The following HPCAL1 variants were observed in gnomAD, a reference collection of about 807,000 sequenced individuals.
HPCAL1 encodes the protein hippocalcin-like protein 1.
Under a neutral mutation model 17.1 loss-of-function variants are expected in HPCAL1, and 8 were observed. The ratio of observed to expected loss-of-function variants is 0.47; its 90% CI spans 0.27 to 0.84. The LOEUF (loss-of-function observed/expected upper bound fraction) is 0.84, where lower values mean the gene tolerates loss of function less well. Among genes scored for constraint, HPCAL1 ranks in the 40% least tolerant of loss-of-function variants. HPCAL1 has a pLI of 0.13. For synonymous variants in HPCAL1, 112 were observed against 111.4 expected (o/e 1.01, Z -0.03); for missense variants, 165 against 271.1 (o/e 0.61, Z 2.75).
At chr2:10,329,665 A>T (rs1664233034) in intron 1 of HPCAL1, among the ~76,000 whole-genome samples, 1 of 152,232 alleles carries the variant, frequency 6.6e-6, no homozygotes, top group Admixed American at 6.5e-5. Flanking sequence ...CAGCAGTGAC[A>T]CCGGGCTTTG....
chr2:10,419,683 C>G lies in HPCAL1; in HGVS notation c.-24-51C>G. ...TTGGTCTCTCCGGCACATGGCTCAG[C>G]CCTGCTCCGTGGCCGTGGGTGGCGT... is the stretch of plus-strand genomic sequence containing the variant. On this transcript the variant is annotated intron_variant, in intron 2 of 4. Transcript: ENST00000307845. The surrounding 1 kb of genome is among the most constrained non-coding windows in gnomAD (Gnocchi z 5.0). The G allele has an allele frequency of 6.5e-7, 1 of 1,541,470 alleles. No individual in the cohort carries two copies. Among genetic ancestry groups the G allele is most frequent in the East Asian group, 2.3e-5 (1 of 44,340 alleles).
intron 3 of HPCAL1, among the ~76,000 whole-genome samples, chr2:10,422,606 C>A (rs1309172919): frequency 2.0e-5 from 3 of 152,306 alleles, no homozygotes; most frequent in Non-Finnish European, 4.4e-5. Context: ...GGGTAACAGC[C>A]ATGGAGTAAA....
At chr2:10,317,974 C>G (rs945696755) in intron 1 of HPCAL1, among the ~76,000 whole-genome samples, 1 of 152,194 alleles carries the variant, frequency 6.6e-6, no homozygotes, top group African/African-American at 2.4e-5. Context: ...GTTGGATGGA[C>G]AATAACATCA....
chr2:10,426,921 G>T lies in HPCAL1; in HGVS notation c.*100G>T. The T allele has an allele frequency of 8.8e-7, 1 of 1,140,506 alleles. No homozygotes were observed. Among genetic ancestry groups the T allele is most frequent in the East Asian group, 2.4e-5 (1 of 40,892 alleles). 70.6% of individuals were successfully genotyped at this position (1,140,506 alleles called of 1,614,324 possible). A position where few individuals can be genotyped will look rare whatever the true frequency, so the allele number is the denominator to read the frequency against. ...GCCCCGCAATCGTTCCTGCTCTCCC[G>T]GGCCCCGGGCCTGGGGCATGCGTTG... On this transcript the variant is annotated 3_prime_UTR_variant, in exon 5 of 5. Transcript: ENST00000307845.
chr2:10,391,233 G>T (rs965605836), intron 1 of HPCAL1, among the ~76,000 whole-genome samples: 5 of 152,094 alleles, frequency 3.3e-5, no homozygotes, highest in African/African-American at 4.8e-5. Flanking sequence ...CTGCCAGGGG[G>T]GTTTGCAGTC....
chr2:10,335,772 C>T (rs149602181), intron 1 of HPCAL1, among the ~76,000 whole-genome samples: 1 of 152,208 alleles, frequency 6.6e-6, no homozygotes, highest in Admixed American at 6.5e-5. Context: ...CCTCATACCT[C>T]TCCGGCACTT....
intron 1 of HPCAL1, among the ~76,000 whole-genome samples, chr2:10,376,901 G>C (rs11490584): frequency 0.22 from 16,557 of 76,208 alleles, 5,043 homozygotes; most frequent in African/African-American, 0.55. Context: ...ACAATACATA[G>C]CGTATTGTAT....
intron 3 of HPCAL1, 74 bp downstream of exon 3, chr2:10,420,209 C>A: frequency 7.0e-6 from 4 of 571,276 alleles, no homozygotes; most frequent in Non-Finnish European, 1.0e-5. Context: ...CAGCCCAGGG[C>A]TTTTTTTTTT....
At chr2:10,404,988 T>C (rs955821778) in intron 2 of HPCAL1, among the ~76,000 whole-genome samples, 3 of 152,228 alleles carry the variant, frequency 2.0e-5, no homozygotes, top group African/African-American at 7.2e-5. Flanking sequence ...CCGCCTTTCT[T>C]GTAAAGCTGT....
intron 1 of HPCAL1, among the ~76,000 whole-genome samples, chr2:10,346,458 C>T (rs1024371860): frequency 6.6e-6 from 1 of 152,184 alleles, no homozygotes; most frequent in African/African-American, 2.4e-5. Context: ...GCCCCAGTCC[C>T]CTCTGTGGCT....
intron 1 of HPCAL1, among the ~76,000 whole-genome samples, chr2:10,352,369 T>C (rs1329929652): frequency 6.6e-6 from 1 of 152,152 alleles, no homozygotes. Context: ...TGTAGCCCCT[T>C]CTCAAGAGAG....
In HPCAL1 at chr2:10,384,029, C is replaced by CCCACA. The variant is rs33913609; in HGVS notation, c.-110-12805_-110-12804insCACAC. On this transcript the variant is annotated intron_variant, in intron 1 of 4. Transcript: ENST00000307845. This position sits in a 1 kb window ranked among gnomAD's most constrained non-coding sequence, Gnocchi z 4.4. ...ATATACATCGCGTACACACACACAC[C>CCCACA]CACACACACACACACCTTTTGCTGG... is the stretch of plus-strand genomic sequence containing the variant. Among the ~76,000 whole-genome samples the CCCACA allele has an allele frequency of 0.017, 2,503 of 149,950 alleles. 75 individuals are homozygous for CCCACA. Among genetic ancestry groups the CCCACA allele is most frequent in the African/African-American group, 0.057 (2,336 of 40,754 alleles).
chr2:10,399,217 C>CCAT lies in HPCAL1; in HGVS notation c.-25+2299_-25+2300insTCA, dbSNP rs1669270788. 1.0e-4 allele frequency among the ~76,000 whole-genome samples: 6 copies of CCAT among 58,718 alleles called. No individual in the cohort carries two copies. The East Asian group carries it at 1.5e-3, about 14-fold the overall frequency. 38.5% of individuals were successfully genotyped at this position (58,718 alleles called of 152,430 possible). The stretch of plus-strand genomic sequence containing the variant: ...AGCAAATAATATCACTGCACCACCA[C>CCAT]CACCACCACCACCACCACCACCATC... On this transcript the variant is annotated intron_variant, in intron 2 of 4. Transcript: ENST00000307845.
chr2:10,309,634 A>G (rs964282253), intron 1 of HPCAL1, among the ~76,000 whole-genome samples: 5 of 152,124 alleles, frequency 3.3e-5, no homozygotes, highest in Admixed American at 1.3e-4. Context: ...GAACAGGTAG[A>G]GATGGTTCAA....
chr2:10,375,712 C>A (rs565151080), intron 1 of HPCAL1, among the ~76,000 whole-genome samples: 1 of 152,290 alleles, frequency 6.6e-6, no homozygotes, highest in East Asian at 1.9e-4. Flanking sequence ...GGGATCATAC[C>A]TTTCTCTGAG....
rs887637334 is a variant in HPCAL1, at chr2:10,330,139, T to C, written c.-111+26962T>C. On this transcript the variant is annotated intron_variant, in intron 1 of 4. Transcript: ENST00000307845. The surrounding 1 kb of genome is among the most constrained non-coding windows in gnomAD (Gnocchi z 4.2). ...CACAATTTATGTGGCAAGCTAGAGA[T>C]GCTTTCTTTTTCAGAGCGGCCTTTA... The C allele has an allele frequency of 6.6e-6, 1 of 151,958 alleles. No homozygotes were observed. Among genetic ancestry groups the C allele is most frequent in the Non-Finnish European group, 1.5e-5 (1 of 68,012 alleles). 9.4% of individuals were successfully genotyped at this position (151,958 alleles called of 1,614,324 possible).
At position 10,347,200 on chromosome 2, in the gene HPCAL1, G is replaced by A. The variant is rs550355343; in HGVS notation, c.-111+44023G>A. 3.9e-5 allele frequency among the ~76,000 whole-genome samples: 6 copies of A among 152,110 alleles called. No homozygotes were observed. In the South Asian group the frequency reaches 6.2e-4, roughly 16 times the overall value. On this transcript the variant is annotated intron_variant, in intron 1 of 4. Transcript: ENST00000307845. ...CCTCCCTGGCATCCGTGACCCATAC[G>A]GTGGGCGCCTGTTCTTTAGAACAAC...
rs908487741 is a variant in HPCAL1, at chr2:10,342,514, T to C, written c.-111+39337T>C. ...CTGATCAGCCCAGCCTGGGGGAGGGTGGGAGGGGACTCCCAGGGAGCGGGG... is the reference window on the plus strand; with the variant it reads ...CTGATCAGCCCAGCCTGGGGGAGGGCGGGAGGGGACTCCCAGGGAGCGGGG... On this transcript the variant is annotated intron_variant, in intron 1 of 4. Transcript: ENST00000307845. The surrounding 1 kb of genome is among the most constrained non-coding windows in gnomAD (Gnocchi z 4.1). Among the ~76,000 whole-genome samples, 4 of 101,134 alleles carry C rather than the reference T, an allele frequency of 4.0e-5. No homozygotes were observed. The highest frequency in any genetic ancestry group is 1.5e-4 in the African/African-American group (4 of 27,068). 66.3% of individuals were successfully genotyped at this position (101,134 alleles called of 152,430 possible). A position where few individuals can be genotyped will look rare whatever the true frequency, so the allele number is the denominator to read the frequency against.
chr2:10,385,642 G>C (rs1036285588), intron 1 of HPCAL1, among the ~76,000 whole-genome samples: 6 of 152,208 alleles, frequency 3.9e-5, no homozygotes, highest in Non-Finnish European at 8.8e-5. Context: ...GCTTGGCCGC[G>C]TGGTGTCACT....
Sources: allele counts gnomAD v4.1 joint callset (sites outside exome capture counted in the v4.1 genomes callset), GRCh38; gene constraint gnomAD v4.1.1; non-coding constraint Gnocchi (gnomAD v3.1); transcripts MANE v1.5; gene names NCBI Gene and HGNC (gene_info 2026-07-23, HGNC 2026-07-21).